Variants in SCPEP1 observed in about 807,000 individuals in gnomAD.
SCPEP1 encodes serine carboxypeptidase 1.
A neutral mutation model predicts 63.8 loss-of-function variants in SCPEP1; 51 were observed. That is an observed-to-expected ratio of 0.80 (90% CI 0.64 to 1.01). SCPEP1 has a LOEUF of 1.01. Ranked by LOEUF, SCPEP1 falls within the 50% of genes least tolerant of loss-of-function variation. The pLI is 0.00. For missense variants in SCPEP1, 499 were observed against 554.9 expected, an observed-to-expected ratio of 0.90 and a Z score of 1.01; for synonymous variants, 204 against 207.8, an observed-to-expected ratio of 0.98 and a Z score of 0.16.
chr17:56,999,935 T>C (rs1911687914), intron 10 of SCPEP1, among the ~76,000 whole-genome samples: 1 of 150,396 alleles, frequency 6.6e-6, no homozygotes, highest in Non-Finnish European at 1.5e-5. Flanking sequence ...TGAGCCAAGA[T>C]TGTGCCATTG....
chr17:56,994,830 A>G, intron 6 of SCPEP1, 151 bp from the exon 7 acceptor site: 3 of 618,802 alleles, frequency 4.8e-6, no homozygotes, highest in South Asian at 3.9e-5. Flanking sequence ...CGCCTCCTGC[A>G]TGGGTACAGG....
chr17:56,994,073 A>G (rs1259293623), intron 6 of SCPEP1, among the ~76,000 whole-genome samples: 1 of 152,222 alleles, frequency 6.6e-6, no homozygotes, highest in Non-Finnish European at 1.5e-5. Flanking sequence ...GTAGTGGCTC[A>G]CATCTGTAAT....
intron 12 of SCPEP1, 31 bp downstream of exon 12, chr17:57,002,212 A>C: frequency 6.2e-7 from 1 of 1,607,230 alleles, no homozygotes; most frequent in East Asian, 2.2e-5. Flanking sequence ...CAGACTTAAA[A>C]ATCATCCTGA....
intron 5 of SCPEP1, among the ~76,000 whole-genome samples, chr17:56,989,763 A>G (rs949682579): frequency 3.9e-5 from 6 of 152,182 alleles, no homozygotes. Context: ...CCTAGCCAAC[A>G]TGGTGAAACC....
In SCPEP1 at chr17:57,006,544, T is replaced by TA. The variant is rs1911903285; in HGVS notation, c.*310dup. ...TGTGATTTATAGAAAAACTGGGAAA[T>TA]ACAGGTACCCAAAGAGTAAATCAAC... On this transcript the variant is annotated 3_prime_UTR_variant, in exon 13 of 13. Transcript: ENST00000262288. 2 of 193,952 alleles carry TA rather than the reference T, an allele frequency of 1.0e-5. No individual in the cohort carries two copies. Among genetic ancestry groups the TA allele is most frequent in the Admixed American group, 1.2e-4 (2 of 16,772 alleles). 12.0% of individuals were successfully genotyped at this position (193,952 alleles called of 1,614,324 possible).
At chr17:56,986,533 TTTG>T (rs984311581) in intron 3 of SCPEP1, among the ~76,000 whole-genome samples, 8 of 141,288 alleles carry the variant, frequency 5.7e-5, no homozygotes, top group Non-Finnish European at 1.1e-4. Context: ...CTGGTCTTTC[TTTG>T]TTTTTTTTTT....
intron 10 of SCPEP1, among the ~76,000 whole-genome samples, chr17:56,999,324 A>C (rs1911671705): frequency 6.6e-6 from 1 of 152,182 alleles, no homozygotes. Context: ...TCTCAAGGCC[A>C]TGGTGAGGAA....
intron 3 of SCPEP1, among the ~76,000 whole-genome samples, chr17:56,986,420 A>G (rs1051726837): frequency 1.6e-4 from 24 of 151,750 alleles, no homozygotes; most frequent in Non-Finnish European, 1.5e-5. Flanking sequence ...GGGTTTTACC[A>G]TGCTGGTCAG....
chr17:57,000,355 C>T (rs935193422), intron 10 of SCPEP1, among the ~76,000 whole-genome samples: 1 of 152,102 alleles, frequency 6.6e-6, no homozygotes, highest in African/African-American at 2.4e-5. Context: ...ACTAGCTCCT[C>T]TCTTGCCTGG....
intron 9 of SCPEP1, 195 bp from the exon 10 acceptor site, chr17:56,998,190 A>G (rs1040716228): frequency 3.0e-5 from 14 of 468,444 alleles, no homozygotes; most frequent in South Asian, 4.4e-5. Flanking sequence ...GGGTGCCTGT[A>G]GTTCCAGCTA....
At chr17:56,989,200 T>C (rs2144486105) in intron 5 of SCPEP1, among the ~76,000 whole-genome samples, 1 of 151,796 alleles carries the variant, frequency 6.6e-6, no homozygotes, top group Non-Finnish European at 1.5e-5. Flanking sequence ...AGGAAAAAAA[T>C]GAAAACAAAA....
intron 1 of SCPEP1, 143 bp downstream of exon 1, chr17:56,978,378 CTCTTT>C: frequency 1.0e-6 from 1 of 966,084 alleles, no homozygotes; most frequent in Non-Finnish European, 1.4e-6. Context: ...TTGAATCTCA[CTCTTT>C]TTTTTTTTTT....
At chr17:56,988,385 G>A in intron 5 of SCPEP1, 95 bp downstream of exon 5, 1 of 897,966 alleles carries the variant, frequency 1.1e-6, no homozygotes, top group African/African-American at 1.7e-5. Context: ...CTTTGAATAG[G>A]GCCATGTACA....
chr17:56,990,374 A>G (rs1911356935), intron 5 of SCPEP1, among the ~76,000 whole-genome samples: 1 of 152,242 alleles, frequency 6.6e-6, no homozygotes, highest in Non-Finnish European at 1.5e-5. Context: ...TAAAAAACTT[A>G]TAGAAACAGC....
intron 5 of SCPEP1, among the ~76,000 whole-genome samples, chr17:56,990,162 C>G (rs749534760): frequency 2.6e-5 from 4 of 152,176 alleles, no homozygotes; most frequent in African/African-American, 4.8e-5. Context: ...AAGTCAAAAA[C>G]ACTTCCATAT....
chr17:56,998,727 G>A (rs1246986197), intron 10 of SCPEP1, among the ~76,000 whole-genome samples: 2 of 152,200 alleles, frequency 1.3e-5, no homozygotes, highest in Non-Finnish European at 2.9e-5. Flanking sequence ...CACTGTGGGA[G>A]ACTGAGTTGA....
At chr17:56,990,555 A>G (rs187692746) in intron 5 of SCPEP1, among the ~76,000 whole-genome samples, 11 of 152,338 alleles carry the variant, frequency 7.2e-5, no homozygotes, top group African/African-American at 2.4e-4. Context: ...CATATTATAC[A>G]TACTGGTTTC....
intron 5 of SCPEP1, among the ~76,000 whole-genome samples, chr17:56,988,911 A>C (rs1409014053): frequency 2.0e-5 from 3 of 152,114 alleles, no homozygotes; most frequent in Admixed American, 1.3e-4. Flanking sequence ...TTAGGACAGA[A>C]TGCAGTGGCC....
chr17:56,987,664 G>A (rs1662664169), intron 3 of SCPEP1, 31 bp from the exon 4 acceptor site: 3 of 1,603,084 alleles, frequency 1.9e-6, no homozygotes, highest in Non-Finnish European at 1.7e-6. Context: ...ATGTCTGATT[G>A]CAACATTTCG....
Sources: gnomAD v4.1 joint callset for allele counts (sites outside exome capture counted in the v4.1 genomes callset) on GRCh38, gnomAD v4.1.1 for gene constraint, MANE v1.5 for transcripts, NCBI Gene and HGNC (gene_info 2026-07-23, HGNC 2026-07-21) for gene names.